RABGAP1L: variants seen among roughly 807,000 people sequenced by gnomAD.
The protein encoded by RABGAP1L is RAB GTPase activating protein 1 like.
Under a neutral mutation model 137.7 loss-of-function variants are expected in RABGAP1L, and 63 were observed. The observed-to-expected ratio is 0.46, with a 90% CI of 0.37 to 0.56. The LOEUF (loss-of-function observed/expected upper bound fraction) is 0.56. RABGAP1L is among the 20% of genes least tolerant of loss of function. The probability of loss-of-function intolerance (pLI) is 0.00; values close to 1 mark genes in which losing one functional copy is unlikely to be tolerated. For synonymous variants in RABGAP1L, 431 were observed against 433.7 expected (o/e 0.99, Z 0.08); for missense variants, 1,095 against 1,244.0 (o/e 0.88, Z 1.80).
Position 174,672,112 on chromosome 1 carries a change from A to G in RABGAP1L, c.1825-11410A>G, listed in dbSNP as rs575651193. ...ATTCTAAGTTATCTAATTCGTTGGC[A>G]TATAATTGTTCATAATAATTTCTTA... On this transcript the variant is annotated intron_variant, in intron 14 of 25. Coordinates refer to ENST00000681986, the MANE Select transcript of RABGAP1L (RefSeq NM_001366446.1). Among the ~76,000 whole-genome samples, 5 of 152,198 alleles carry G rather than the reference A, an allele frequency of 3.3e-5. No homozygotes were observed. The South Asian group carries it at 1.0e-3, about 32-fold the overall frequency.
chr1:174,693,428 A>G (rs959713290), intron 15 of RABGAP1L, among the ~76,000 whole-genome samples: 1 of 152,222 alleles, frequency 6.6e-6, no homozygotes, highest in South Asian at 2.1e-4. Flanking sequence ...TGTTAAAAAC[A>G]AAAGTAATAA....
intron 19 of RABGAP1L, among the ~76,000 whole-genome samples, chr1:174,943,331 G>A (rs1371334511): frequency 1.3e-5 from 2 of 152,098 alleles, no homozygotes; most frequent in East Asian, 3.9e-4. Flanking sequence ...TGGTCATCCT[G>A]TGCTCATTGT....
chr1:174,571,069 A>G (rs562287223), intron 13 of RABGAP1L, among the ~76,000 whole-genome samples: 43 of 152,324 alleles, frequency 2.8e-4, no homozygotes, highest in African/African-American at 1.0e-3. Flanking sequence ...ACATTTCCAC[A>G]ATGGAGTACT....
intron 12 of RABGAP1L, among the ~76,000 whole-genome samples, chr1:174,386,751 C>T (rs2149063882): frequency 6.6e-6 from 1 of 152,202 alleles, no homozygotes; most frequent in Middle Eastern, 3.4e-3. Flanking sequence ...TCATGATCTG[C>T]CTGCCTTGGC....
intron 13 of RABGAP1L, among the ~76,000 whole-genome samples, chr1:174,614,832 C>T (rs1020219165): frequency 6.6e-6 from 1 of 152,116 alleles, no homozygotes; most frequent in Admixed American, 6.5e-5. Context: ...TTCATTTGAT[C>T]TTCCATCACT....
intron 14 of RABGAP1L, among the ~76,000 whole-genome samples, chr1:174,649,753 T>C (rs1675301815): frequency 2.0e-5 from 3 of 152,160 alleles, no homozygotes; most frequent in African/African-American, 7.2e-5. Flanking sequence ...AATGGGTTTT[T>C]CTAGATATGC....
chr1:174,566,759 C>T (rs74126837), intron 13 of RABGAP1L, among the ~76,000 whole-genome samples: 5,281 of 152,164 alleles, frequency 0.035, 121 homozygotes, highest in Middle Eastern at 0.088. Flanking sequence ...CCTGATGGCA[C>T]TATTGATCAT....
intron 14 of RABGAP1L, among the ~76,000 whole-genome samples, chr1:174,655,699 TA>T (rs2148405238): frequency 6.6e-6 from 1 of 152,364 alleles, no homozygotes; most frequent in East Asian, 1.9e-4. Context: ...TTAGTTTATT[TA>T]TATGTTATAT....
intron 13 of RABGAP1L, among the ~76,000 whole-genome samples, chr1:174,526,251 AT>A (rs2147866341): frequency 6.6e-6 from 1 of 151,964 alleles, no homozygotes; most frequent in African/African-American, 2.4e-5. Flanking sequence ...TTTGTTGAGG[AT>A]TTTACATCTG....
In RABGAP1L at chr1:174,584,914, G is replaced by A. The variant is rs546039988; in HGVS notation, c.1711-52461G>A. Among the ~76,000 whole-genome samples the A allele has an allele frequency of 1.4e-4, 22 of 151,938 alleles. 1 individual carries two copies. In the South Asian group the frequency reaches 2.5e-3, roughly 17 times the overall value. On this transcript the variant is annotated intron_variant, in intron 13 of 25. Coordinates refer to ENST00000681986, the MANE Select transcript of RABGAP1L (RefSeq NM_001366446.1). ...CTAAGGTATAGGATGTAGCTTCTCCGTTAAAATCTAGTCCTGCCCTGTCCA... is the reference window on the plus strand; with the variant it reads ...CTAAGGTATAGGATGTAGCTTCTCCATTAAAATCTAGTCCTGCCCTGTCCA...
intron 13 of RABGAP1L, among the ~76,000 whole-genome samples, chr1:174,622,058 G>C (rs191647817): frequency 4.7e-4 from 71 of 152,198 alleles, no homozygotes; most frequent in Middle Eastern, 3.4e-3. Flanking sequence ...TGAATAGACA[G>C]TTCTCAAAAG....
chr1:174,792,405 G>C (rs1687925525), intron 18 of RABGAP1L, among the ~76,000 whole-genome samples: 1 of 152,168 alleles, frequency 6.6e-6, no homozygotes, highest in African/African-American at 2.4e-5. Flanking sequence ...GATTAGCTTA[G>C]AGAAAAGAAA....
chr1:174,831,501 CAA>C (rs1692111035), intron 19 of RABGAP1L, among the ~76,000 whole-genome samples: 1 of 148,244 alleles, frequency 6.7e-6, no homozygotes, highest in South Asian at 2.2e-4. Context: ...GAGAACCAAA[CAA>C]AAGCTTTCCA....
At chr1:174,487,949 T>C (rs1463064316) in intron 13 of RABGAP1L, among the ~76,000 whole-genome samples, 1 of 152,170 alleles carries the variant, frequency 6.6e-6, no homozygotes, top group Non-Finnish European at 1.5e-5. Context: ...GTTAATCTTT[T>C]GTTGCTTCTA....
intron 3 of RABGAP1L, among the ~76,000 whole-genome samples, chr1:174,229,018 G>GTTT (rs34335797): frequency 4.0e-5 from 6 of 148,322 alleles, no homozygotes; most frequent in African/African-American, 1.5e-4. Flanking sequence ...AAAATGAACA[G>GTTT]TTTTTTTTTT....
chr1:174,385,162 T>G (rs552443121), intron 12 of RABGAP1L, among the ~76,000 whole-genome samples: 82 of 152,316 alleles, frequency 5.4e-4, no homozygotes, highest in African/African-American at 1.7e-3. Context: ...AGGGGAGAGA[T>G]AATTACATGT....
chr1:174,845,970 G>A (rs1044311646), intron 19 of RABGAP1L, among the ~76,000 whole-genome samples: 3 of 136,740 alleles, frequency 2.2e-5, no homozygotes, highest in Non-Finnish European at 4.7e-5. Context: ...TGTATGTGTC[G>A]AGGAATGTAT....
intron 13 of RABGAP1L, among the ~76,000 whole-genome samples, chr1:174,578,152 A>G (rs749356326): frequency 3.3e-5 from 5 of 152,216 alleles, no homozygotes; most frequent in Non-Finnish European, 7.3e-5. Flanking sequence ...TAAAAAAATT[A>G]AACTGTAAAA....
rs565772494 is a variant in RABGAP1L at position 174,895,777 on chromosome 1, C to G, written c.2341-61680C>G. ...TCCCTATAAAGGACATGAACTCATC[C>G]TTTTTTGTGGCTGCATAGTATTCCA... is the stretch of plus-strand genomic sequence containing the variant. On this transcript the variant is annotated intron_variant, in intron 19 of 25. Transcript: ENST00000681986. 4.1e-4 allele frequency among the ~76,000 whole-genome samples: 63 copies of G among 152,224 alleles called. 1 individual carries two copies. In the East Asian group the frequency reaches 0.012, roughly 28 times the overall value.
Sources: allele counts gnomAD v4.1 joint callset (sites outside exome capture counted in the v4.1 genomes callset), GRCh38; gene constraint gnomAD v4.1.1; transcripts MANE v1.5; gene names NCBI Gene and HGNC (gene_info 2026-07-23, HGNC 2026-07-21).